The following DUSP16 variants were observed in gnomAD, a reference collection of about 807,000 sequenced individuals.
DUSP16 encodes dual specificity phosphatase 16.
Under a neutral mutation model 58.3 loss-of-function variants are expected in DUSP16, and 21 were observed. The observed-to-expected ratio is 0.36, with a 90% CI of 0.26 to 0.52. The LOEUF (loss-of-function observed/expected upper bound fraction) is 0.52. DUSP16 is among the 20% of genes least tolerant of loss of function. The pLI is 0.94. For missense variants in DUSP16, 726 were observed against 819.0 expected (o/e 0.89, Z 1.39); for synonymous variants, 320 against 323.8 (o/e 0.99, Z 0.12).
intron 3 of DUSP16, among the ~76,000 whole-genome samples, chr12:12,508,595 T>C (rs892116833): frequency 1.3e-5 from 2 of 152,060 alleles, no homozygotes; most frequent in African/African-American, 4.8e-5. Context: ...TCTTATTCCA[T>C]CCACCCCCAT....
Position 12,536,484 on chromosome 12 carries a change from C to T in DUSP16, c.-365-15021G>A, listed in dbSNP as rs566591282. Among the ~76,000 whole-genome samples, 469 of 152,312 alleles carry T rather than the reference C, an allele frequency of 3.1e-3. 1 individual carries two copies. Among genetic ancestry groups the T allele is most frequent in the Non-Finnish European group, 5.2e-3 (353 of 68,034 alleles). ...AATAGGCCGGGCACAGTGGCTCATG[C>T]ATGTAATCCCAGCACTTTGGGAGGC... On this transcript the variant is annotated intron_variant, in intron 1 of 6. Transcript: ENST00000298573.
At position 12,489,877 on chromosome 12, in the gene DUSP16, A is replaced by T. The variant is rs1428758068; in HGVS notation, c.532-2690T>A. Among the ~76,000 whole-genome samples the T allele has an allele frequency of 2.0e-5, 3 of 152,320 alleles. No homozygotes were observed. In the East Asian group the frequency reaches 5.8e-4, roughly 29 times the overall value. ...AATTAGACAATGACACACGGTACTG[A>T]TTAAGAAAATCATATCTAACATTTA... On this transcript the variant is annotated intron_variant, in intron 4 of 6. Transcript: ENST00000298573.
intron 1 of DUSP16, among the ~76,000 whole-genome samples, chr12:12,527,370 T>C (rs879701939): frequency 6.6e-6 from 1 of 151,904 alleles, no homozygotes; most frequent in African/African-American, 2.4e-5. Context: ...GCTACACAGA[T>C]TAAAGCAACT....
chr12:12,513,390 A>G (rs1944105551), intron 3 of DUSP16, among the ~76,000 whole-genome samples: 1 of 152,236 alleles, frequency 6.6e-6, no homozygotes, highest in African/African-American at 2.4e-5. Context: ...AGACTGAGAA[A>G]GAGCTATTAC....
chr12:12,541,402 C>A (rs1944558556), intron 1 of DUSP16, among the ~76,000 whole-genome samples: 1 of 152,156 alleles, frequency 6.6e-6, no homozygotes, highest in Admixed American at 6.5e-5. Context: ...CAGGCCTTGA[C>A]AAGGTTACAC....
intron 3 of DUSP16, among the ~76,000 whole-genome samples, chr12:12,509,707 G>C (rs1269319906): frequency 1.3e-5 from 2 of 152,156 alleles, no homozygotes; most frequent in Non-Finnish European, 2.9e-5. Context: ...ATTTAGCATA[G>C]TGCCTGGCAC....
rs545177452 is a variant in DUSP16 at position 12,537,079 on chromosome 12, G to A, written c.-365-15616C>T. Among the ~76,000 whole-genome samples, 133 of 152,242 alleles carry A rather than the reference G, an allele frequency of 8.7e-4. 1 individual carries two copies. Among genetic ancestry groups the A allele is most frequent in the African/African-American group, 3.1e-3 (130 of 41,550 alleles). On this transcript the variant is annotated intron_variant, in intron 1 of 6. Coordinates refer to ENST00000298573, the MANE Select transcript of DUSP16 (RefSeq NM_030640.3). Reference sequence around the variant, plus strand: ...GCTGAAATAAAAGGCTGAAAAATAGGTAGACTCTGAAGGTTGACATTTCTT... The same window carrying A: ...GCTGAAATAAAAGGCTGAAAAATAGATAGACTCTGAAGGTTGACATTTCTT...
At chr12:12,545,191 T>C (rs1944623450) in intron 1 of DUSP16, among the ~76,000 whole-genome samples, 1 of 152,220 alleles carries the variant, frequency 6.6e-6, no homozygotes, top group African/African-American at 2.4e-5. Flanking sequence ...ATCTAAACAT[T>C]TCATTTTCTG....
intron 1 of DUSP16, among the ~76,000 whole-genome samples, chr12:12,549,334 A>G (rs1291898786): frequency 6.6e-6 from 1 of 151,994 alleles, no homozygotes; most frequent in Non-Finnish European, 1.5e-5. Context: ...TCCTTCAATT[A>G]TATGTGCATC....
At chr12:12,553,511 A>G (rs1040093893) in intron 1 of DUSP16, among the ~76,000 whole-genome samples, 3 of 152,220 alleles carry the variant, frequency 2.0e-5, no homozygotes, top group Non-Finnish European at 2.9e-5. Context: ...ACAAGATCTC[A>G]AAGTTAAGCA....
chr12:12,474,391 ATG>A lies in DUSP16; in HGVS notation c.*2440_*2441del, dbSNP rs1943375637. 7.5e-6 allele frequency: 1 copy of A among 133,554 alleles called. No individual in the cohort carries two copies. Among genetic ancestry groups the A allele is most frequent in the East Asian group, 2.9e-4 (1 of 3,500 alleles). The allele number at this position is 133,554 out of a possible 1,614,324, so 8.3% of individuals were successfully genotyped here. A position where few individuals can be genotyped will look rare whatever the true frequency, so the allele number is the denominator to read the frequency against. ...ACAGTCTTTCCATCTAACTTTACAC[ATG>A]TCCTAAATCATTTTCCAGCACTTCT... On this transcript the variant is annotated 3_prime_UTR_variant, in exon 7 of 7. Transcript: ENST00000298573.
intron 3 of DUSP16, among the ~76,000 whole-genome samples, chr12:12,506,898 G>A (rs1348980430): frequency 1.3e-5 from 2 of 152,148 alleles, no homozygotes; most frequent in Admixed American, 1.3e-4. Flanking sequence ...GAAAACATCT[G>A]GTACAGCTTC....
chr12:12,542,506 A>C (rs1944579019), intron 1 of DUSP16, among the ~76,000 whole-genome samples: 1 of 152,030 alleles, frequency 6.6e-6, no homozygotes, highest in South Asian at 2.1e-4. Flanking sequence ...CCTAATGTGC[A>C]GAGTTTGTTT....
intron 3 of DUSP16, among the ~76,000 whole-genome samples, chr12:12,501,301 C>T (rs552010173): frequency 2.0e-5 from 3 of 152,318 alleles, no homozygotes; most frequent in African/African-American, 7.2e-5. Context: ...TTCATCTCAG[C>T]AAGCACTATA....
intron 1 of DUSP16, among the ~76,000 whole-genome samples, chr12:12,561,704 TTGTGTAA>T (rs1944906693): frequency 6.6e-6 from 1 of 152,124 alleles, no homozygotes; most frequent in Admixed American, 6.5e-5. Context: ...GGCAGGCGTG[TTGTGTAA>T]CAGTCGCGCC....
At chr12:12,534,430 CG>C (rs374641688) in intron 1 of DUSP16, among the ~76,000 whole-genome samples, 24 of 152,182 alleles carry the variant, frequency 1.6e-4, no homozygotes, top group African/African-American at 5.8e-4. Flanking sequence ...TAGCCCCAGA[CG>C]GGAGTCGGAA....
chr12:12,478,012 A>T lies in DUSP16; in HGVS notation c.819T>A (p.Phe273Leu). 1 of 1,569,610 alleles carries T rather than the reference A, an allele frequency of 6.4e-7. No homozygotes were observed. Residue 273 changes from phenylalanine to leucine, a missense_variant, in exon 7 of 7, where the codon TTT (phenylalanine) becomes TTA (leucine). Coordinates refer to ENST00000298573, the MANE Select transcript of DUSP16 (RefSeq NM_030640.3). Reference protein sequence around the residue: ...MDMSLDEAYRFVKEKRPTISP... With the variant: ...MDMSLDEAYRLVKEKRPTISP... ...ATATAGTAGGTCTTTTTTCTTTCAC[A>T]AATCTGCAGAGAGAGGAAAAAACAA...
At position 12,527,598 on chromosome 12, in the gene DUSP16, T is replaced by A. The variant is rs185437537; in HGVS notation, c.-365-6135A>T. On this transcript the variant is annotated intron_variant, in intron 1 of 6. Transcript: ENST00000298573. ...ACATGTACCCCAGAACTTAAAAGTA[T>A]AATATATACTTTATAATATGTACTT... 2.5e-3 allele frequency among the ~76,000 whole-genome samples: 374 copies of A among 152,270 alleles called. 1 individual carries two copies. The highest frequency in any genetic ancestry group is 8.6e-3 in the African/African-American group (357 of 41,552).
At chr12:12,541,704 G>C (rs1347580546) in intron 1 of DUSP16, among the ~76,000 whole-genome samples, 1 of 152,274 alleles carries the variant, frequency 6.6e-6, no homozygotes, top group East Asian at 1.9e-4. Context: ...AAACCCTAGA[G>C]AGAAATAACT....
Sources: gnomAD v4.1 joint callset for allele counts (sites outside exome capture counted in the v4.1 genomes callset) on GRCh38, gnomAD v4.1.1 for gene constraint, MANE v1.5 for transcripts, NCBI Gene and HGNC (gene_info 2026-07-23, HGNC 2026-07-21) for gene names.